The following MSANTD2 variants were observed in gnomAD, a reference collection of about 807,000 sequenced individuals.
The protein encoded by MSANTD2 is myb/SANT-like DNA-binding domain-containing protein 2.
In MSANTD2, 19 loss-of-function variants were observed where a neutral mutation model predicts 52.6. The ratio of observed to expected loss-of-function variants is 0.36; its 90% CI spans 0.25 to 0.53. The LOEUF is 0.53. Among genes scored for constraint, MSANTD2 ranks in the 20% least tolerant of loss-of-function variants. MSANTD2 has a pLI of 0.91. For synonymous variants in MSANTD2, 291 were observed against 289.7 expected, an observed-to-expected ratio of 1.00 and a Z score of -0.04; for missense variants, 558 against 716.3, an observed-to-expected ratio of 0.78 and a Z score of 2.52.
chr11:124,772,384 T>C (rs560452508), intron 3 of MSANTD2, among the ~76,000 whole-genome samples: 1 of 152,320 alleles, frequency 6.6e-6, no homozygotes, highest in Non-Finnish European at 1.5e-5. Context: ...ATTTCTTCTA[T>C]ACAAAATTCT....
chr11:124,785,138 T>C (rs1474166876), intron 1 of MSANTD2, among the ~76,000 whole-genome samples: 1 of 152,246 alleles, frequency 6.6e-6, no homozygotes, highest in Non-Finnish European at 1.5e-5. Context: ...CTTAGCTTTA[T>C]AAAGACTGCT....
intron 3 of MSANTD2, among the ~76,000 whole-genome samples, chr11:124,772,284 C>G (rs1591443715): frequency 6.6e-6 from 1 of 152,214 alleles, no homozygotes; most frequent in African/African-American, 2.4e-5. Context: ...GTTCCTGTGA[C>G]TCATCTTTGT....
At chr11:124,790,795 C>T (rs1235073685) in intron 1 of MSANTD2, 1 of 161,470 alleles carries the variant, frequency 6.2e-6, no homozygotes, top group African/African-American at 2.4e-5. Flanking sequence ...TACTACTTCC[C>T]ACTCCCCTGC....
rs545593717 is a variant in MSANTD2, at chr11:124,791,026, T to C, written c.510+8845A>G. On this transcript the variant is annotated intron_variant, in intron 1 of 3. Transcript: ENST00000374979. ...ATGGCCCATTAGTGGGTTGTACAATTAATTTTAGCAAGTTGTGACCACCTT... is the reference window on the plus strand; with the variant it reads ...ATGGCCCATTAGTGGGTTGTACAATCAATTTTAGCAAGTTGTGACCACCTT... The C allele has an allele frequency of 3.9e-5, 18 of 467,102 alleles. No individual in the cohort carries two copies. In the East Asian group the frequency reaches 5.0e-4, roughly 13 times the overall value. 28.9% of individuals were successfully genotyped at this position (467,102 alleles called of 1,614,324 possible).
At chr11:124,791,201 G>T in intron 1 of MSANTD2, 2 of 1,210,278 alleles carry the variant, frequency 1.7e-6, no homozygotes, top group East Asian at 4.8e-5. Flanking sequence ...GTGCATGTGA[G>T]GGACATTTGG....
chr11:124,783,865 G>GACCCTATGCTATGTGTGCTTCTC, intron 1 of MSANTD2: 1 of 985,304 alleles, frequency 1.0e-6, no homozygotes, highest in Non-Finnish European at 1.2e-6. Flanking sequence ...TAAAGCTTCT[G>GACCCTATGCTATGTGTGCTTCTC]ACCCTATGCT....
rs190053253 is a variant in MSANTD2 at position 124,797,222 on chromosome 11, C to T, written c.510+2649G>A. On this transcript the variant is annotated intron_variant, in intron 1 of 3. Coordinates refer to ENST00000374979, the MANE Select transcript of MSANTD2 (RefSeq NM_001308027.2). ...AAATAAGGCCGGATGTGGTGGCTCT[C>T]GCCTATAATCCCAGCACTTTGGGAG... 3.9e-5 allele frequency among the ~76,000 whole-genome samples: 6 copies of T among 152,320 alleles called. No individual in the cohort carries two copies. The East Asian group carries it at 1.2e-3, about 29-fold the overall frequency.
In MSANTD2 at chr11:124,799,901, C is replaced by T; in HGVS notation, c.480G>A (p.Arg160=). The change falls in exon 1 of 4, where the codon CGG becomes CGA. Residue 160 remains arginine, a synonymous_variant. Transcript: ENST00000374979. ...TGCGCTCCCGGCACTGGGACGGGGT[C>T]CGCTCGTAGCCCAGCTCGGCCAGGG... ...SRALAELGYE[R]TPSQCRERIK... 3 of 1,584,312 alleles carry T rather than the reference C, an allele frequency of 1.9e-6. No individual in the cohort carries two copies. The highest frequency in any genetic ancestry group is 2.6e-6 in the Non-Finnish European group (3 of 1,173,476).
intron 1 of MSANTD2, among the ~76,000 whole-genome samples, chr11:124,786,139 AG>A (rs1293733181): frequency 7.6e-6 from 1 of 132,328 alleles, no homozygotes; most frequent in Non-Finnish European, 1.5e-5. Flanking sequence ...TGTGTTGCCC[AG>A]GCTGGAGTGC....
rs777700840 is a variant in MSANTD2, at chr11:124,800,388, G to C, written c.-8C>G. ...GCCACAGGGCGCAGCCATCTTCCAA[G>C]CGGCCGCCGCTGCACCGCCCGGAAG... On this transcript the variant is annotated 5_prime_UTR_variant, in exon 1 of 4. Transcript: ENST00000374979. The surrounding 1 kb of genome is among the most constrained non-coding windows in gnomAD (Gnocchi z 4.3). The C allele has an allele frequency of 1.3e-6, 2 of 1,502,070 alleles. No homozygotes were observed. Among genetic ancestry groups the C allele is most frequent in the Non-Finnish European group, 1.8e-6 (2 of 1,125,166 alleles). 93.0% of individuals were successfully genotyped at this position (1,502,070 alleles called of 1,614,324 possible).
chr11:124,791,874 G>A (rs1321499741), intron 1 of MSANTD2: 2 of 417,434 alleles, frequency 4.8e-6, no homozygotes, highest in African/African-American at 4.1e-5. Flanking sequence ...CAGCTGGAGT[G>A]TCTGCCTTCA....
chr11:124,797,160 A>G (rs1945521155), intron 1 of MSANTD2, among the ~76,000 whole-genome samples: 1 of 152,084 alleles, frequency 6.6e-6, no homozygotes, highest in Non-Finnish European at 1.5e-5. Flanking sequence ...TATATTTTCC[A>G]ATATTCTCTT....
At chr11:124,794,869 T>G (rs899837426) in intron 1 of MSANTD2, among the ~76,000 whole-genome samples, 1 of 152,096 alleles carries the variant, frequency 6.6e-6, no homozygotes, top group Admixed American at 6.6e-5. Context: ...AAGACTCTTT[T>G]ATCTTTTATT....
intron 1 of MSANTD2, among the ~76,000 whole-genome samples, chr11:124,783,219 A>C (rs1360413918): frequency 1.3e-5 from 2 of 152,202 alleles, no homozygotes; most frequent in African/African-American, 4.8e-5. Context: ...ACTGAATCCT[A>C]TCAGCTTGCA....
intron 1 of MSANTD2, among the ~76,000 whole-genome samples, chr11:124,781,142 C>G (rs1944949972): frequency 6.7e-6 from 1 of 149,048 alleles, no homozygotes; most frequent in Non-Finnish European, 1.5e-5. Flanking sequence ...AAGATCGTGC[C>G]ACTGCACTCC....
At chr11:124,791,537 G>C in intron 1 of MSANTD2, 1 of 1,149,214 alleles carries the variant, frequency 8.7e-7, no homozygotes, top group African/African-American at 1.5e-5. Context: ...ACGACAGAAG[G>C]GTGCAGACAG....
intron 1 of MSANTD2, among the ~76,000 whole-genome samples, chr11:124,798,520 A>G (rs1040894933): frequency 1.3e-5 from 2 of 152,230 alleles, no homozygotes; most frequent in African/African-American, 4.8e-5. Flanking sequence ...GATAAATGTT[A>G]TCAAATACAC....
At chr11:124,770,042 C>T (rs1169283297) in intron 3 of MSANTD2, among the ~76,000 whole-genome samples, 1 of 152,224 alleles carries the variant, frequency 6.6e-6, no homozygotes, top group South Asian at 2.1e-4. Context: ...GAAAACTAGA[C>T]TCAGTTATTT....
intron 1 of MSANTD2, chr11:124,792,187 AACTGCAATTCAAC>A (rs1307544757): frequency 1.3e-5 from 2 of 153,434 alleles, no homozygotes; most frequent in Non-Finnish European, 2.9e-5. Flanking sequence ...ATATTTGCGC[AACTGCAATTCAAC>A]ACCATAAAAA....
Sources: gnomAD v4.1 joint callset for allele counts (sites outside exome capture counted in the v4.1 genomes callset) on GRCh38, gnomAD v4.1.1 for gene constraint, Gnocchi (gnomAD v3.1) non-coding constraint, MANE v1.5 for transcripts, NCBI Gene and HGNC (gene_info 2026-07-23, HGNC 2026-07-21) for gene names.